Variants in COG5 observed in about 807,000 individuals in gnomAD.
The protein encoded by COG5 is component of oligomeric golgi complex 5.
A neutral mutation model predicts 110.4 loss-of-function variants in COG5; 86 were observed. The observed-to-expected ratio is 0.78, with a 90% CI of 0.65 to 0.93. COG5 has a LOEUF of 0.93. Among genes scored for constraint, COG5 ranks in the 40% least tolerant of loss-of-function variants. The probability of loss-of-function intolerance (pLI) is 0.00; values close to 1 mark genes in which losing one functional copy is unlikely to be tolerated. For missense variants in COG5, 1,077 were observed against 987.0 expected, an observed-to-expected ratio of 1.09 and a Z score of -1.22; for synonymous variants, 360 against 334.6, an observed-to-expected ratio of 1.08 and a Z score of -0.83.
intron 5 of COG5, among the ~76,000 whole-genome samples, chr7:107,544,327 A>G (rs1802264486): frequency 6.6e-6 from 1 of 152,146 alleles, no homozygotes; most frequent in African/African-American, 2.4e-5. Flanking sequence ...TTCAAGCTAA[A>G]GGCCGGTCCA....
At chr7:107,292,662 G>A (rs1584631556) in intron 12 of COG5, among the ~76,000 whole-genome samples, 1 of 152,144 alleles carries the variant, frequency 6.6e-6, no homozygotes, top group Non-Finnish European at 1.5e-5. Context: ...CTCAGGATCT[G>A]AAGAAACTCT....
chr7:107,557,480 TGATATTA>T (rs1803406895), intron 2 of COG5, among the ~76,000 whole-genome samples: 1 of 152,210 alleles, frequency 6.6e-6, no homozygotes, highest in Non-Finnish European at 1.5e-5. Context: ...AGACTTTAAG[TGATATTA>T]AAGTCAGTTA....
intron 7 of COG5, among the ~76,000 whole-genome samples, chr7:107,389,475 A>G (rs2129056071): frequency 6.6e-6 from 1 of 152,360 alleles, no homozygotes; most frequent in Non-Finnish European, 1.5e-5. Flanking sequence ...ATGCCTTAAC[A>G]GCTTTAGCTG....
chr7:107,552,419 CTT>C (rs760624964), intron 3 of COG5, among the ~76,000 whole-genome samples: 2 of 152,086 alleles, frequency 1.3e-5, no homozygotes, highest in African/African-American at 2.4e-5. Context: ...TTATAAGAAA[CTT>C]AATTCAACAA....
At chr7:107,381,995 AT>A (rs926503122) in intron 7 of COG5, among the ~76,000 whole-genome samples, 34 of 152,256 alleles carry the variant, frequency 2.2e-4, no homozygotes, top group African/African-American at 8.2e-4. Flanking sequence ...ACAAGAATCC[AT>A]TTTTCTTTTG....
intron 7 of COG5, among the ~76,000 whole-genome samples, chr7:107,399,534 G>T (rs1791272102): frequency 6.6e-6 from 1 of 152,112 alleles, no homozygotes; most frequent in Non-Finnish European, 1.5e-5. Context: ...CTGCCACCAT[G>T]TAAGACATGC....
chr7:107,232,177 A>G (rs557240975), intron 18 of COG5, among the ~76,000 whole-genome samples: 1 of 152,358 alleles, frequency 6.6e-6, no homozygotes, highest in South Asian at 2.1e-4. Context: ...ATAAAAATGT[A>G]AGGAAGAAAA....
intron 13 of COG5, 95 bp from the exon 14 acceptor site, chr7:107,281,494 G>A: frequency 1.1e-6 from 1 of 897,884 alleles, no homozygotes; most frequent in South Asian, 1.4e-5. Context: ...AAGCAATGTG[G>A]TTATTCTTTT....
chr7:107,251,376 AATTT>A (rs1802489903), intron 16 of COG5, among the ~76,000 whole-genome samples: 1 of 152,110 alleles, frequency 6.6e-6, no homozygotes, highest in Non-Finnish European at 1.5e-5. Context: ...GATAAACTTT[AATTT>A]AAGCTCATCA....
rs975138962 is a variant in COG5 at position 107,492,869 on chromosome 7, T to C, written c.538+34368A>G. Reference sequence around the variant, plus strand: ...AAAACAGGACTCTCTGGGGGACCATTATTCTGCCTATTGTGCCATACTTGT... The same window carrying C: ...AAAACAGGACTCTCTGGGGGACCATCATTCTGCCTATTGTGCCATACTTGT... On this transcript the variant is annotated intron_variant, in intron 6 of 21. Coordinates refer to ENST00000297135, the MANE Select transcript of COG5 (RefSeq NM_006348.5). 2.6e-5 allele frequency among the ~76,000 whole-genome samples: 4 copies of C among 152,274 alleles called. No homozygotes were observed. In the East Asian group the frequency reaches 7.7e-4, roughly 29 times the overall value.
chr7:107,424,617 A>G (rs1231243383), intron 6 of COG5, among the ~76,000 whole-genome samples: 1 of 152,124 alleles, frequency 6.6e-6, no homozygotes, highest in African/African-American at 2.4e-5. Flanking sequence ...TATGCTTACA[A>G]AAGACATCAA....
At chr7:107,496,017 A>C (rs941398754) in intron 6 of COG5, among the ~76,000 whole-genome samples, 1 of 151,878 alleles carries the variant, frequency 6.6e-6, no homozygotes, top group Non-Finnish European at 1.5e-5. Context: ...CCTGAGCTCA[A>C]ACGATCCTCC....
chr7:107,412,226 A>G (rs928600366), intron 7 of COG5, among the ~76,000 whole-genome samples: 5 of 152,166 alleles, frequency 3.3e-5, no homozygotes, highest in Admixed American at 3.3e-4. Context: ...AGGCATGGTC[A>G]GCTAGTTATC....
At chr7:107,377,763 C>T (rs1355920737) in intron 7 of COG5, among the ~76,000 whole-genome samples, 1 of 152,170 alleles carries the variant, frequency 6.6e-6, no homozygotes, top group Non-Finnish European at 1.5e-5. Flanking sequence ...CCTTTCTGGG[C>T]AGGGCATCTC....
intron 10 of COG5, among the ~76,000 whole-genome samples, chr7:107,342,486 T>C (rs1469438610): frequency 6.6e-6 from 1 of 151,544 alleles, no homozygotes; most frequent in East Asian, 1.9e-4. Context: ...GAGACAAGCA[T>C]GGCCAACCTG....
At chr7:107,360,778 T>TGTCA (rs1268891054) in intron 10 of COG5, among the ~76,000 whole-genome samples, 2 of 152,194 alleles carry the variant, frequency 1.3e-5, no homozygotes, top group Admixed American at 6.5e-5. Flanking sequence ...ACCCCAAGCT[T>TGTCA]GTCACTCACA....
intron 16 of COG5, among the ~76,000 whole-genome samples, chr7:107,251,402 A>C (rs1215622191): frequency 6.6e-6 from 1 of 152,146 alleles, no homozygotes; most frequent in Non-Finnish European, 1.5e-5. Flanking sequence ...ATTTTAAATG[A>C]TGATTTAAAA....
intron 11 of COG5, among the ~76,000 whole-genome samples, chr7:107,304,732 C>A (rs945200748): frequency 6.6e-6 from 1 of 152,158 alleles, no homozygotes; most frequent in Admixed American, 6.5e-5. Context: ...GGACCAAAGA[C>A]CTCCTGTCTA....
intron 16 of COG5, among the ~76,000 whole-genome samples, chr7:107,249,902 A>T (rs1802365873): frequency 6.6e-6 from 1 of 152,072 alleles, no homozygotes. Context: ...TCCCAAGCAT[A>T]GGAGTTTGGG....
Sources: allele counts gnomAD v4.1 joint callset (sites outside exome capture counted in the v4.1 genomes callset), GRCh38; gene constraint gnomAD v4.1.1; transcripts MANE v1.5; gene names NCBI Gene and HGNC (gene_info 2026-07-23, HGNC 2026-07-21).